Variants in ANGPT1 observed in about 807,000 individuals in gnomAD.
The protein encoded by ANGPT1 is angiopoietin 1.
Under a neutral mutation model 62.2 loss-of-function variants are expected in ANGPT1, and 17 were observed. The observed-to-expected ratio is 0.27, with a 90% confidence interval of 0.19 to 0.41. The LOEUF (loss-of-function observed/expected upper bound fraction) is 0.41. ANGPT1 is among the 10% of genes least tolerant of loss of function. ANGPT1 has a pLI of 1.00. For synonymous variants in ANGPT1, 199 were observed against 198.9 expected, an observed-to-expected ratio of 1.00 and a Z score of 0.00; for missense variants, 478 against 594.9, an observed-to-expected ratio of 0.80 and a Z score of 2.04.
chr8:107,445,825 T>C (rs1450100159), intron 1 of ANGPT1, among the ~76,000 whole-genome samples: 1 of 152,090 alleles, frequency 6.6e-6, no homozygotes, highest in African/African-American at 2.4e-5. Flanking sequence ...AAACCACATA[T>C]ATGATTTTAA....
At chr8:107,482,280 C>T (rs771739757) in intron 1 of ANGPT1, among the ~76,000 whole-genome samples, 1 of 152,162 alleles carries the variant, frequency 6.6e-6, no homozygotes, top group Non-Finnish European at 1.5e-5. Context: ...AGAAAAGGAA[C>T]TGTAGGGATG....
At chr8:107,472,518 T>C (rs1812390297) in intron 1 of ANGPT1, among the ~76,000 whole-genome samples, 1 of 152,120 alleles carries the variant, frequency 6.6e-6, no homozygotes, top group Admixed American at 6.6e-5. Flanking sequence ...ACTTAACGTT[T>C]GTTGGGTACC....
chr8:107,445,062 A>T lies in ANGPT1; in HGVS notation c.297+52200T>A, dbSNP rs1410946467. On this transcript the variant is annotated intron_variant, in intron 1 of 8. Coordinates refer to ENST00000517746, the MANE Select transcript of ANGPT1 (RefSeq NM_001146.5). ...TGAAGGGGGCTGACAATACATACTA[A>T]TTTGCAGTCTCTCACTTTGCATTTT... Among the ~76,000 whole-genome samples, 5 of 152,300 alleles carry T rather than the reference A, an allele frequency of 3.3e-5. No homozygotes were observed. The East Asian group carries it at 9.7e-4, about 29-fold the overall frequency.
chr8:107,344,952 C>T (rs1310145781), intron 2 of ANGPT1, among the ~76,000 whole-genome samples: 4 of 152,136 alleles, frequency 2.6e-5, no homozygotes, highest in Admixed American at 2.6e-4. Flanking sequence ...CAGAACATGT[C>T]CTGTTGCAAT....
At chr8:107,311,544 C>T (rs1209789781) in intron 4 of ANGPT1, among the ~76,000 whole-genome samples, 1 of 152,048 alleles carries the variant, frequency 6.6e-6, no homozygotes, top group Non-Finnish European at 1.5e-5. Context: ...ATAAGACATA[C>T]AAACTCTTAC....
chr8:107,367,789 T>C (rs1174984296), intron 1 of ANGPT1, among the ~76,000 whole-genome samples: 1 of 152,224 alleles, frequency 6.6e-6, no homozygotes, highest in Admixed American at 6.5e-5. Flanking sequence ...AAGCAACTCC[T>C]CATCTATTTA....
intron 1 of ANGPT1, among the ~76,000 whole-genome samples, chr8:107,473,652 A>C (rs1273446221): frequency 6.6e-6 from 1 of 152,084 alleles, no homozygotes; most frequent in South Asian, 2.1e-4. Context: ...AACAGACTTA[A>C]AAGAATAAAA....
intron 1 of ANGPT1, among the ~76,000 whole-genome samples, chr8:107,461,761 TAATAAATG>T (rs1812078053): frequency 6.6e-6 from 1 of 152,072 alleles, no homozygotes; most frequent in African/African-American, 2.4e-5. Context: ...AGTTCTATTT[TAATAAATG>T]AATGAATGAA....
At chr8:107,264,190 A>G in intron 8 of ANGPT1, 31 bp downstream of exon 8, 1 of 1,598,490 alleles carries the variant, frequency 6.3e-7, no homozygotes, top group Non-Finnish European at 8.5e-7. Flanking sequence ...CCAATGAAAC[A>G]TAGCTTAGAG....
At chr8:107,491,010 C>G (rs1474651267) in intron 1 of ANGPT1, among the ~76,000 whole-genome samples, 1 of 152,150 alleles carries the variant, frequency 6.6e-6, no homozygotes, top group Non-Finnish European at 1.5e-5. Context: ...ATAGTTGCAT[C>G]AAATTTCACC....
intron 1 of ANGPT1, among the ~76,000 whole-genome samples, chr8:107,466,681 G>T (rs373438095): frequency 9.1e-4 from 138 of 152,216 alleles, no homozygotes; most frequent in African/African-American, 3.2e-3. Context: ...GGAGAAAGAG[G>T]CCGGTGGATC....
chr8:107,350,873 T>A (rs1815917947), intron 1 of ANGPT1, among the ~76,000 whole-genome samples: 1 of 152,172 alleles, frequency 6.6e-6, no homozygotes, highest in Non-Finnish European at 1.5e-5. Flanking sequence ...GCTTTCATCT[T>A]ATCTCTAAAC....
At chr8:107,405,262 G>A (rs1156907910) in intron 1 of ANGPT1, among the ~76,000 whole-genome samples, 1 of 151,560 alleles carries the variant, frequency 6.6e-6, no homozygotes, top group Admixed American at 6.6e-5. Context: ...CTATATAGGA[G>A]GTATTTGTTT....
At chr8:107,483,516 T>C (rs1047772481) in intron 1 of ANGPT1, among the ~76,000 whole-genome samples, 3 of 152,104 alleles carry the variant, frequency 2.0e-5, no homozygotes, top group Non-Finnish European at 4.4e-5. Flanking sequence ...TCTTTTTTTC[T>C]AAGCATAGAC....
chr8:107,471,315 A>G (rs887057169), intron 1 of ANGPT1, among the ~76,000 whole-genome samples: 2 of 152,096 alleles, frequency 1.3e-5, no homozygotes, highest in East Asian at 3.9e-4. Context: ...CAGAAAACCA[A>G]ACAGTGCATG....
intron 7 of ANGPT1, among the ~76,000 whole-genome samples, chr8:107,282,553 C>CATATAT (rs753412026): frequency 0.016 from 804 of 51,018 alleles, 35 homozygotes; most frequent in Non-Finnish European, 0.02. Flanking sequence ...ATATATGAAC[C>CATATAT]ATATATATAT....
At chr8:107,444,756 C>T (rs1464597139) in intron 1 of ANGPT1, among the ~76,000 whole-genome samples, 1 of 151,908 alleles carries the variant, frequency 6.6e-6, no homozygotes, top group African/African-American at 2.4e-5. Flanking sequence ...AATCACTTAC[C>T]CTGACCAAGC....
chr8:107,378,840 C>T (rs1816580190), intron 1 of ANGPT1, among the ~76,000 whole-genome samples: 1 of 151,814 alleles, frequency 6.6e-6, no homozygotes, highest in South Asian at 2.1e-4. Context: ...AAATGTGAGT[C>T]AATTAAACCT....
chr8:107,351,904 T>C (rs1815941400), intron 1 of ANGPT1, among the ~76,000 whole-genome samples: 1 of 152,180 alleles, frequency 6.6e-6, no homozygotes, highest in African/African-American at 2.4e-5. Flanking sequence ...TGTACCAGCT[T>C]TTACAAATAC....
Sources: allele counts gnomAD v4.1 joint callset (sites outside exome capture counted in the v4.1 genomes callset), GRCh38; gene constraint gnomAD v4.1.1; transcripts MANE v1.5; gene names NCBI Gene and HGNC (gene_info 2026-07-23, HGNC 2026-07-21).